The following H4C2 variants were observed in gnomAD, a reference collection of about 807,000 sequenced individuals.
The protein encoded by H4C2 is histone H4.
In H4C2, 8 loss-of-function variants were observed where a neutral mutation model predicts 5.0. The observed-to-expected ratio is 1.61, with a 90% confidence interval of 0.94 to 2.90. The LOEUF is 2.90. H4C2 is among the 30% of genes most tolerant of loss of function. The probability of loss-of-function intolerance (pLI) is 0.00; values close to 1 mark genes in which losing one functional copy is unlikely to be tolerated. For missense variants in H4C2, 267 were observed against 145.6 expected (o/e 1.83, Z -4.29); for synonymous variants, 145 against 54.0 (o/e 2.69, Z -7.39).
At position 26,026,942 on chromosome 6, in the gene H4C2, T is replaced by A; in HGVS notation, c.311A>T (p.Ter104LeuextTer?). 6.2e-7 allele frequency: 1 copy of A among 1,605,746 alleles called. No homozygotes were observed. Among genetic ancestry groups the A allele is most frequent in the East Asian group, 2.2e-5 (1 of 44,768 alleles). Reference protein sequence around the residue: ...QGRTLYGFGG* With the variant: ...QGRTLYGFGGL ...ATTGGAAGAAAACTGACGAAAAGAT[T>A]AACCGCCGAAGCCGTACAGAGTGCG... The change falls in exon 1 of 1, where the codon TAA becomes TTA. Residue 104 changes from the stop codon to leucine (L), a stop_lost. Coordinates refer to ENST00000377745, the MANE Select transcript of H4C2 (RefSeq NM_003544.3).
rs188668625 is a variant in H4C2 at position 26,027,263 on chromosome 6, C to T, written c.-11G>A. 7.2e-5 allele frequency: 114 copies of T among 1,587,336 alleles called. No individual in the cohort carries two copies. In the African/African-American group the frequency reaches 1.3e-3, roughly 18 times the overall value. On this transcript the variant is annotated 5_prime_UTR_variant, in exon 1 of 1. Coordinates refer to ENST00000377745, the MANE Select transcript of H4C2 (RefSeq NM_003544.3). ...GCCGCGACCAGACATGTCTAACCAGCTGACAACAAAAACCAGGTACGCGAA... is the reference window on the plus strand; with the variant it reads ...GCCGCGACCAGACATGTCTAACCAGTTGACAACAAAAACCAGGTACGCGAA...
Position 26,027,144 on chromosome 6 carries a change from G to A in H4C2, c.109C>T (p.Arg37Cys), listed in dbSNP as rs1168337286. Residue 37 changes from arginine to cysteine, a missense_variant, in exon 1 of 1, where the codon CGC becomes TGC. Physicochemically the swap from Arg to Cys is radical, Grantham distance 180. Coordinates refer to ENST00000377745, the MANE Select transcript of H4C2 (RefSeq NM_003544.3). ...TTAACCCCACCACGCCTAGCAAGGC[G>A]CCGAATGGCCGGTTTGGTGATGCCT... Reference protein sequence around the residue: ...IQGITKPAIRRLARRGGVKRI... With the variant: ...IQGITKPAIRCLARRGGVKRI... 17 of 1,614,100 alleles carry A rather than the reference G, an allele frequency of 1.1e-5. 1 individual carries two copies. Among genetic ancestry groups the A allele is most frequent in the South Asian group, 2.2e-5 (2 of 91,088 alleles).
chr6:26,027,260 C>CT lies in H4C2; in HGVS notation c.-9_-8insA. On this transcript the variant is annotated 5_prime_UTR_variant, in exon 1 of 1. Transcript: ENST00000377745. ...TTTGCCGCGACCAGACATGTCTAAC[C>CT]AGCTGACAACAAAAACCAGGTACGC... 6.3e-7 allele frequency: 1 copy of CT among 1,589,314 alleles called. No individual in the cohort carries two copies. The highest frequency in any genetic ancestry group is 8.6e-7 in the Non-Finnish European group (1 of 1,161,442).
chr6:26,027,268 A>G lies in H4C2; in HGVS notation c.-16T>C, dbSNP rs758944712. 1.1e-5 allele frequency: 18 copies of G among 1,584,768 alleles called. No individual in the cohort carries two copies. The Admixed American group carries it at 2.6e-4, about 23-fold the overall frequency. ...GACCAGACATGTCTAACCAGCTGAC[A>G]ACAAAAACCAGGTACGCGAAAAGAA... On this transcript the variant is annotated 5_prime_UTR_variant, in exon 1 of 1. Coordinates refer to ENST00000377745, the MANE Select transcript of H4C2 (RefSeq NM_003544.3).
At position 26,027,272 on chromosome 6, in the gene H4C2, A is replaced by AT. The variant is rs768273913; in HGVS notation, c.-21_-20insA. The AT allele has an allele frequency of 6.3e-6, 10 of 1,582,398 alleles. No homozygotes were observed. Among genetic ancestry groups the AT allele is most frequent in the African/African-American group, 4.1e-5 (3 of 73,996 alleles). On this transcript the variant is annotated 5_prime_UTR_variant, in exon 1 of 1. Transcript: ENST00000377745. ...AGACATGTCTAACCAGCTGACAACAAAAACCAGGTACGCGAAAAGAAAGCA... is the reference window on the plus strand; with the variant it reads ...AGACATGTCTAACCAGCTGACAACAATAAACCAGGTACGCGAAAAGAAAGCA...
rs1554146944 is a variant in H4C2 at position 26,027,214 on chromosome 6, C to T, written c.39G>A (p.Lys13=). Residue 13 remains lysine, a synonymous_variant, in exon 1 of 1, where the codon AAG becomes AAA. Transcript: ENST00000377745. The part of the protein sequence containing the change: ...GRGKGGKGLG[K]GGAKRHRKVL... ...CTTTTCGGTGACGCTTGGCACCTCC[C>T]TTACCCAAACCTTTACCGCCTTTGC... 3.1e-6 allele frequency: 5 copies of T among 1,612,040 alleles called. No homozygotes were observed. The highest frequency in any genetic ancestry group is 2.2e-5 in the South Asian group (2 of 91,066).
rs147907725 is a variant in H4C2 at position 26,027,091 on chromosome 6, C to T, written c.162G>A (p.Glu54=). The change falls in exon 1 of 1, where the codon GAG becomes GAA. Residue 54 remains glutamate (E), a synonymous_variant. Transcript: ENST00000377745. ...VKRISGLIYE[E]TRGVLKVFLE... ...GAAACACCTTGAGAACGCCACGAGT[C>T]TCCTCATAAATCAAACCGGAAATTC... is the stretch of plus-strand genomic sequence containing the variant. The T allele has an allele frequency of 6.2e-7, 1 of 1,614,216 alleles. No homozygotes were observed. Among genetic ancestry groups the T allele is most frequent in the Non-Finnish European group, 8.5e-7 (1 of 1,180,032 alleles).
In H4C2 at chr6:26,027,161, G is replaced by C. The variant is rs765944150; in HGVS notation, c.92C>G (p.Thr31Ser). ...KVLRDNIQGI[T>S]KPAIRRLARR... Reference sequence around the variant, plus strand: ...AGCAAGGCGCCGAATGGCCGGTTTGGTGATGCCTTGGATGTTATCCCGCAG... The same window carrying C: ...AGCAAGGCGCCGAATGGCCGGTTTGCTGATGCCTTGGATGTTATCCCGCAG... Residue 31 changes from threonine to serine, a missense_variant, in exon 1 of 1, where the codon ACC becomes AGC. By Grantham distance (58) the Thr-to-Ser change is moderately conservative. Transcript: ENST00000377745. 1.2e-6 allele frequency: 2 copies of C among 1,614,248 alleles called. No homozygotes were observed. The highest frequency in any genetic ancestry group is 1.1e-5 in the South Asian group (1 of 91,090).
Position 26,027,074 on chromosome 6 carries a change from T to C in H4C2, c.179A>G (p.Lys60Arg). The change falls in exon 1 of 1, where the codon AAG (lysine) becomes AGG (arginine). Residue 60 changes from lysine (K) to arginine (R), a missense_variant. Coordinates refer to ENST00000377745, the MANE Select transcript of H4C2 (RefSeq NM_003544.3). Reference protein sequence around the residue: ...LIYEETRGVLKVFLENVIRDA... With the variant: ...LIYEETRGVLRVFLENVIRDA... ...CCGGATCACGTTCTCCAGAAACACCTTGAGAACGCCACGAGTCTCCTCATA... is the reference window on the plus strand; with the variant it reads ...CCGGATCACGTTCTCCAGAAACACCCTGAGAACGCCACGAGTCTCCTCATA... The C allele has an allele frequency of 6.2e-7, 1 of 1,614,166 alleles. No individual in the cohort carries two copies. Among genetic ancestry groups the C allele is most frequent in the Non-Finnish European group, 8.5e-7 (1 of 1,180,020 alleles).
rs141516292 is a variant in H4C2, at chr6:26,027,109, G to A, written c.144C>T (p.Ser48=). 181 of 1,614,168 alleles carry A rather than the reference G, an allele frequency of 1.1e-4. No homozygotes were observed. The highest frequency in any genetic ancestry group is 7.7e-4 in the African/African-American group (58 of 75,036). The part of the protein sequence containing the change: ...LARRGGVKRI[S]GLIYEETRGV... ...CACGAGTCTCCTCATAAATCAAACCGGAAATTCGCTTAACCCCACCACGCC... is the reference window on the plus strand; with the variant it reads ...CACGAGTCTCCTCATAAATCAAACCAGAAATTCGCTTAACCCCACCACGCC... Residue 48 remains serine, a synonymous_variant, in exon 1 of 1, where the codon TCC becomes TCT. Coordinates refer to ENST00000377745, the MANE Select transcript of H4C2 (RefSeq NM_003544.3).
At position 26,027,072 on chromosome 6, in the gene H4C2, C is replaced by T. The variant is rs773766887; in HGVS notation, c.181G>A (p.Val61Met). Residue 61 changes from valine (V) to methionine (M), a missense_variant, in exon 1 of 1, where the codon GTG (valine) becomes ATG (methionine). Coordinates refer to ENST00000377745, the MANE Select transcript of H4C2 (RefSeq NM_003544.3). ...IYEETRGVLKVFLENVIRDAV... is the reference protein window; with the variant it reads ...IYEETRGVLKMFLENVIRDAV... The stretch of plus-strand genomic sequence containing the variant: ...TCCCGGATCACGTTCTCCAGAAACA[C>T]CTTGAGAACGCCACGAGTCTCCTCA... The T allele has an allele frequency of 4.1e-5, 66 of 1,614,078 alleles. No homozygotes were observed. Among genetic ancestry groups the T allele is most frequent in the Non-Finnish European group, 5.0e-5 (59 of 1,180,030 alleles).
At position 26,026,934 on chromosome 6, in the gene H4C2, G is replaced by T. The variant is rs773963446; in HGVS notation, c.*7C>A. The T allele has an allele frequency of 3.1e-6, 5 of 1,601,116 alleles. No homozygotes were observed. The highest frequency in any genetic ancestry group is 1.7e-5 in the Admixed American group (1 of 59,090). ...AAAGGGCCATTGGAAGAAAACTGAC[G>T]AAAAGATTAACCGCCGAAGCCGTAC... On this transcript the variant is annotated 3_prime_UTR_variant, in exon 1 of 1. Transcript: ENST00000377745.
rs752050927 is a variant in H4C2, at chr6:26,027,009, C to T, written c.244G>A (p.Val82Ile). ...GCGTAAACCACATCCATGGCAGTGA[C>T]AGTCTTGCGCTTGGCGTGCTCCGTG... ...TYTEHAKRKT[V>I]TAMDVVYALK... The change falls in exon 1 of 1, where the codon GTC (valine) becomes ATC (isoleucine). Residue 82 changes from valine (V) to isoleucine (I), a missense_variant. Physicochemically the swap from Val to Ile is conservative, Grantham distance 29. Transcript: ENST00000377745. 3 of 1,612,908 alleles carry T rather than the reference C, an allele frequency of 1.9e-6. No homozygotes were observed. Among genetic ancestry groups the T allele is most frequent in the Admixed American group, 3.3e-5 (2 of 59,994 alleles).
rs1271130321 is a variant in H4C2 at position 26,027,148 on chromosome 6, A to T, written c.105T>A (p.Ile35=). The T allele has an allele frequency of 6.2e-7, 1 of 1,614,062 alleles. No individual in the cohort carries two copies. Among genetic ancestry groups the T allele is most frequent in the Non-Finnish European group, 8.5e-7 (1 of 1,180,040 alleles). The change falls in exon 1 of 1, where the codon ATT becomes ATA. Residue 35 remains isoleucine, a synonymous_variant. Transcript: ENST00000377745. ...DNIQGITKPA[I]RRLARRGGVK... ...CCCCACCACGCCTAGCAAGGCGCCG[A>T]ATGGCCGGTTTGGTGATGCCTTGGA...
rs751808630 is a variant in H4C2, at chr6:26,027,198, G to A, written c.55C>T (p.His19Tyr). 3.1e-5 allele frequency: 50 copies of A among 1,613,962 alleles called. No homozygotes were observed. The highest frequency in any genetic ancestry group is 1.3e-5 in the African/African-American group (1 of 74,936). Residue 19 changes from histidine (H) to tyrosine (Y), a missense_variant, in exon 1 of 1, where the codon CAC becomes TAC. By Grantham distance (83) the His-to-Tyr change is moderately conservative. Coordinates refer to ENST00000377745, the MANE Select transcript of H4C2 (RefSeq NM_003544.3). ...KGLGKGGAKRHRKVLRDNIQG... is the reference protein window; with the variant it reads ...KGLGKGGAKRYRKVLRDNIQG... ...ATGTTATCCCGCAGCACTTTTCGGT[G>A]ACGCTTGGCACCTCCCTTACCCAAA...
At position 26,027,136 on chromosome 6, in the gene H4C2, A is replaced by G. The variant is rs779908370; in HGVS notation, c.117T>C (p.Ala39=). ...GITKPAIRRL[A]RRGGVKRISG... is the part of the protein sequence containing the mutation. ...AAATTCGCTTAACCCCACCACGCCT[A>G]GCAAGGCGCCGAATGGCCGGTTTGG... Residue 39 remains alanine, a synonymous_variant, in exon 1 of 1, where the codon GCT becomes GCC. Coordinates refer to ENST00000377745, the MANE Select transcript of H4C2 (RefSeq NM_003544.3). The G allele has an allele frequency of 3.1e-6, 5 of 1,614,250 alleles. No homozygotes were observed. In the South Asian group the frequency reaches 4.4e-5, roughly 14 times the overall value.
In H4C2 at chr6:26,027,205, G is replaced by T. The variant is rs3752419; in HGVS notation, c.48C>A (p.Ala16=). The T allele has an allele frequency of 6.2e-7, 1 of 1,613,652 alleles. No individual in the cohort carries two copies. The highest frequency in any genetic ancestry group is 1.1e-5 in the South Asian group (1 of 91,086). The change falls in exon 1 of 1, where the codon GCC becomes GCA. Residue 16 remains alanine, a synonymous_variant. Transcript: ENST00000377745. ...CCCGCAGCACTTTTCGGTGACGCTTGGCACCTCCCTTACCCAAACCTTTAC... is the reference window on the plus strand; with the variant it reads ...CCCGCAGCACTTTTCGGTGACGCTTTGCACCTCCCTTACCCAAACCTTTAC... The part of the protein sequence containing the change: ...KGGKGLGKGG[A]KRHRKVLRDN...
In H4C2 at chr6:26,027,240, C is replaced by A. The variant is rs745592288; in HGVS notation, c.13G>T (p.Gly5Cys). The A allele has an allele frequency of 4.4e-6, 7 of 1,604,970 alleles. No homozygotes were observed. Among genetic ancestry groups the A allele is most frequent in the African/African-American group, 2.7e-5 (2 of 74,734 alleles). Reference sequence around the variant, plus strand: ...TTACCCAAACCTTTACCGCCTTTGCCGCGACCAGACATGTCTAACCAGCTG... The same window carrying A: ...TTACCCAAACCTTTACCGCCTTTGCAGCGACCAGACATGTCTAACCAGCTG... MSGRGKGGKGLGKGG... is the reference protein window; with the variant it reads MSGRCKGGKGLGKGG... Residue 5 changes from glycine (G) to cysteine (C), a missense_variant, in exon 1 of 1, where the codon GGC becomes TGC. Coordinates refer to ENST00000377745, the MANE Select transcript of H4C2 (RefSeq NM_003544.3).
rs777969227 is a variant in H4C2, at chr6:26,027,224, C to T, written c.29G>A (p.Gly10Asp). The T allele has an allele frequency of 1.5e-5, 24 of 1,607,204 alleles. No individual in the cohort carries two copies. Among genetic ancestry groups the T allele is most frequent in the East Asian group, 2.2e-5 (1 of 44,664 alleles). The change falls in exon 1 of 1, where the codon GGT becomes GAT. Residue 10 changes from glycine to aspartate, a missense_variant. Physicochemically the swap from Gly to Asp is moderately conservative, Grantham distance 94. Transcript: ENST00000377745. ...ACGCTTGGCACCTCCCTTACCCAAA[C>T]CTTTACCGCCTTTGCCGCGACCAGA... MSGRGKGGK[G>D]LGKGGAKRHR...
Sources: gnomAD v4.1 joint callset for allele counts on GRCh38, gnomAD v4.1.1 for gene constraint, MANE v1.5 for transcripts, NCBI Gene and HGNC (gene_info 2026-07-23, HGNC 2026-07-21) for gene names.